Variants in FHIT observed in about 807,000 individuals in gnomAD.
FHIT encodes the protein bis(5'-adenosyl)-triphosphatase.
A neutral mutation model predicts 17.9 loss-of-function variants in FHIT; 19 were observed. The observed-to-expected ratio is 1.06, with a 90% CI of 0.74 to 1.56. FHIT has a LOEUF of 1.56. Ranked by LOEUF, FHIT falls within the 40% of genes most tolerant of loss-of-function variation. The probability of loss-of-function intolerance (pLI) is 0.00; values close to 1 mark genes in which losing one functional copy is unlikely to be tolerated. For synonymous variants in FHIT, 81 were observed against 69.7 expected (o/e 1.16, Z -0.81); for missense variants, 248 against 189.2 (o/e 1.31, Z -1.82).
At chr3:59,971,659 G>C (rs17061573) in intron 7 of FHIT, among the ~76,000 whole-genome samples, 9,250 of 152,202 alleles carry the variant, frequency 0.061, 336 homozygotes, top group African/African-American at 0.096. Flanking sequence ...GGGAGAAAAG[G>C]GTCTTGGAAG....
chr3:60,171,477 C>T (rs1159090313), intron 5 of FHIT, among the ~76,000 whole-genome samples: 1 of 152,114 alleles, frequency 6.6e-6, no homozygotes, highest in Non-Finnish European at 1.5e-5. Context: ...AAGAAGATGA[C>T]TAATTGTGGG....
intron 3 of FHIT, among the ~76,000 whole-genome samples, chr3:60,916,201 T>C (rs1194602477): frequency 6.6e-6 from 1 of 152,228 alleles, no homozygotes; most frequent in Admixed American, 6.5e-5. Context: ...TGTTGTTAAA[T>C]GCAATGCCAT....
At chr3:60,542,719 T>A (rs1194192613) in intron 4 of FHIT, among the ~76,000 whole-genome samples, 1 of 152,188 alleles carries the variant, frequency 6.6e-6, no homozygotes, top group African/African-American at 2.4e-5. Flanking sequence ...AATTTCTCTA[T>A]CGTTCCCTCC....
intron 3 of FHIT, among the ~76,000 whole-genome samples, chr3:60,962,507 C>A (rs572801226): frequency 3.3e-5 from 5 of 152,182 alleles, no homozygotes; most frequent in African/African-American, 9.7e-5. Flanking sequence ...CTGTCTTGTG[C>A]CAGTTTTCAA....
chr3:59,890,186 A>G (rs1243897745), intron 8 of FHIT, among the ~76,000 whole-genome samples: 1 of 152,096 alleles, frequency 6.6e-6, no homozygotes, highest in East Asian at 1.9e-4. Context: ...CTTTGAGAGG[A>G]TAAAGCCTGC....
intron 7 of FHIT, among the ~76,000 whole-genome samples, chr3:59,944,104 T>C (rs1172201202): frequency 6.6e-6 from 1 of 152,214 alleles, no homozygotes; most frequent in Non-Finnish European, 1.5e-5. Flanking sequence ...GCTTTGAGAT[T>C]ATGGATTCAA....
At chr3:60,210,460 A>G (rs983856127) in intron 5 of FHIT, among the ~76,000 whole-genome samples, 3 of 152,214 alleles carry the variant, frequency 2.0e-5, no homozygotes, top group Admixed American at 2.0e-4. Flanking sequence ...CAGTGATTAC[A>G]TAAAAGATTC....
intron 4 of FHIT, among the ~76,000 whole-genome samples, chr3:60,611,771 G>A (rs559932107): frequency 4.1e-4 from 62 of 152,266 alleles, no homozygotes; most frequent in Non-Finnish European, 6.8e-4. Context: ...AGATGCCCTC[G>A]TAGGAGGAAC....
At chr3:60,173,508 A>C (rs1030142932) in intron 5 of FHIT, among the ~76,000 whole-genome samples, 1 of 152,152 alleles carries the variant, frequency 6.6e-6, no homozygotes, top group African/African-American at 2.4e-5. Context: ...AACAGCCACC[A>C]TCCTTAAATG....
intron 5 of FHIT, among the ~76,000 whole-genome samples, chr3:60,329,604 T>G (rs1398809344): frequency 6.6e-6 from 1 of 152,200 alleles, no homozygotes; most frequent in African/African-American, 2.4e-5. Context: ...GAAAAGAAGT[T>G]AGGTGAGTAA....
chr3:61,079,562 TCCTC>T (rs568559235), intron 2 of FHIT, among the ~76,000 whole-genome samples: 9 of 152,144 alleles, frequency 5.9e-5, no homozygotes, highest in Non-Finnish European at 8.8e-5. Flanking sequence ...CAAAATCTTC[TCCTC>T]CCTATTTATT....
At chr3:59,762,612 G>A (rs1340965942) in intron 8 of FHIT, among the ~76,000 whole-genome samples, 1 of 152,074 alleles carries the variant, frequency 6.6e-6, no homozygotes, top group Non-Finnish European at 1.5e-5. Flanking sequence ...ATAAATTCCT[G>A]GGAACGTTCT....
intron 5 of FHIT, among the ~76,000 whole-genome samples, chr3:60,179,847 G>C (rs999784373): frequency 3.9e-5 from 6 of 152,050 alleles, no homozygotes; most frequent in Admixed American, 1.3e-4. Context: ...TCTTCGTTCT[G>C]CATGCTACAT....
At chr3:60,417,883 C>G (rs1324617281) in intron 5 of FHIT, among the ~76,000 whole-genome samples, 1 of 152,158 alleles carries the variant, frequency 6.6e-6, no homozygotes, top group Non-Finnish European at 1.5e-5. Context: ...ACATGTTTGT[C>G]TCCTTTCAGA....
intron 8 of FHIT, among the ~76,000 whole-genome samples, chr3:59,838,385 G>A (rs1054127962): frequency 2.6e-5 from 4 of 152,166 alleles, no homozygotes; most frequent in Admixed American, 6.5e-5. Flanking sequence ...ATTCAAACCT[G>A]TTTTCCAAAC....
At chr3:59,901,104 A>G (rs1452881905) in intron 8 of FHIT, among the ~76,000 whole-genome samples, 2 of 152,118 alleles carry the variant, frequency 1.3e-5, no homozygotes, top group Non-Finnish European at 2.9e-5. Flanking sequence ...GTTTTCCTTC[A>G]CAGGATTAAG....
intron 2 of FHIT, among the ~76,000 whole-genome samples, chr3:61,180,159 A>G (rs1321252345): frequency 2.6e-5 from 4 of 152,188 alleles, no homozygotes; most frequent in Admixed American, 2.6e-4. Flanking sequence ...ATCAATTTAT[A>G]TAGCAATTCA....
chr3:60,910,761 T>C (rs782797578), intron 3 of FHIT, among the ~76,000 whole-genome samples: 4 of 152,052 alleles, frequency 2.6e-5, no homozygotes, highest in South Asian at 2.1e-4. Context: ...AATCTTCTTA[T>C]AGAGAAGGCT....
intron 3 of FHIT, among the ~76,000 whole-genome samples, chr3:60,906,139 T>G (rs575352752): frequency 2.0e-5 from 3 of 152,300 alleles, no homozygotes; most frequent in Admixed American, 2.0e-4. Context: ...TGAATGTATA[T>G]CCTTAGTGGA....
Sources: gnomAD v4.1 joint callset for allele counts (sites outside exome capture counted in the v4.1 genomes callset) on GRCh38, gnomAD v4.1.1 for gene constraint, MANE v1.5 for transcripts, NCBI Gene and HGNC (gene_info 2026-07-23, HGNC 2026-07-21) for gene names.